Variants in SASH1 observed in about 807,000 individuals in gnomAD.
SASH1 encodes the protein SAM and SH3 domain containing 1.
A neutral mutation model predicts 125.2 loss-of-function variants in SASH1; 44 were observed. The ratio of observed to expected loss-of-function variants is 0.35; its 90% confidence interval spans 0.28 to 0.45. SASH1 has a LOEUF of 0.45. SASH1 is among the 20% of genes least tolerant of loss of function. SASH1 has a pLI of 1.00. For synonymous variants in SASH1, 639 were observed against 649.1 expected (o/e 0.98, Z 0.24); for missense variants, 1,426 against 1,614.5 (o/e 0.88, Z 2.00).
chr6:148,438,173 G>A (rs999735992), intron 2 of SASH1, among the ~76,000 whole-genome samples: 1 of 152,210 alleles, frequency 6.6e-6, no homozygotes, highest in Non-Finnish European at 1.5e-5. Context: ...TAACAGTTTA[G>A]TTTCATCATC....
intron 1 of SASH1, among the ~76,000 whole-genome samples, chr6:148,351,650 CT>C (rs67177596): frequency 0.13 from 15,375 of 115,856 alleles, 918 homozygotes; most frequent in South Asian, 0.17. Context: ...TTACTCACCG[CT>C]TTTTTTTTTT....
rs1455005536 is a variant in SASH1, at chr6:148,532,666, CAG to C, written c.1565-128_1565-127del. 2 of 1,059,876 alleles carry C rather than the reference CAG, an allele frequency of 1.9e-6. No individual in the cohort carries two copies. Among genetic ancestry groups the C allele is most frequent in the Admixed American group, 4.0e-5 (2 of 49,844 alleles). The allele number at this position is 1,059,876 out of a possible 1,614,324, so 65.7% of individuals were successfully genotyped here. A position where few individuals can be genotyped will look rare whatever the true frequency, so the allele number is the denominator to read the frequency against. The stretch of plus-strand genomic sequence containing the variant: ...TAACTGGGCCCTGCCCTGGTCCTGA[CAG>C]AGGGTTGTGGCTCAAGGCTTCCTTT... On this transcript the variant is annotated intron_variant, in intron 13 of 19. Coordinates refer to ENST00000367467, the MANE Select transcript of SASH1 (RefSeq NM_015278.5). This position sits in a 1 kb window ranked among gnomAD's most constrained non-coding sequence, Gnocchi z 4.7.
chr6:148,542,198 T>C (rs1782262446), intron 17 of SASH1, among the ~76,000 whole-genome samples: 1 of 152,220 alleles, frequency 6.6e-6, no homozygotes, highest in Non-Finnish European at 1.5e-5. Context: ...CAGGGATCTT[T>C]CTAATGTAAT....
At chr6:148,431,987 T>G (rs1197145559) in intron 2 of SASH1, among the ~76,000 whole-genome samples, 3 of 151,828 alleles carry the variant, frequency 2.0e-5, no homozygotes, top group Non-Finnish European at 2.9e-5. Flanking sequence ...TTTTTTTTTT[T>G]TTTTTTGAGA....
At chr6:148,332,477 AGT>A (rs1781023947) in intron 1 of SASH1, among the ~76,000 whole-genome samples, 1 of 152,218 alleles carries the variant, frequency 6.6e-6, no homozygotes, top group Non-Finnish European at 1.5e-5. Context: ...ACAAATAACA[AGT>A]ATTTAAATGA....
intron 2 of SASH1, among the ~76,000 whole-genome samples, chr6:148,405,667 C>T (rs748269969): frequency 1.3e-5 from 2 of 152,114 alleles, no homozygotes; most frequent in Non-Finnish European, 2.9e-5. Context: ...GCCTCTACCG[C>T]CCAGATGAAA....
At chr6:148,250,572 T>TAA in the SASH1 span, among the ~76,000 whole-genome samples, 92 of 141,410 alleles carry the variant, frequency 6.5e-4, no homozygotes, top group Middle Eastern at 3.6e-3. Flanking sequence ...GCCTTAGTCT[T>TAA]AAAAAAAAAA....
intron 4 of SASH1, among the ~76,000 whole-genome samples, chr6:148,460,244 T>C (rs1049278157): frequency 5.3e-5 from 8 of 152,222 alleles, no homozygotes. Context: ...GATGCCCTTT[T>C]GAGACATCTT....
chr6:148,299,338 A>G (rs1366901295), intron 1 of SASH1, among the ~76,000 whole-genome samples: 1 of 151,154 alleles, frequency 6.6e-6, no homozygotes, highest in Non-Finnish European at 1.5e-5. Context: ...TTTAGCATTT[A>G]TTGGTGCTAC....
intron 1 of SASH1, among the ~76,000 whole-genome samples, chr6:148,303,188 C>T (rs1043363895): frequency 3.9e-5 from 6 of 151,902 alleles, no homozygotes; most frequent in African/African-American, 9.7e-5. Context: ...CCATGTTGGT[C>T]AGGCTGGTCT....
the SASH1 span, among the ~76,000 whole-genome samples, chr6:148,203,524 G>A: frequency 6.6e-6 from 1 of 152,156 alleles, no homozygotes; most frequent in Non-Finnish European, 1.5e-5. Context: ...TACAGACTGA[G>A]TCATTTTCTT....
intron 4 of SASH1, among the ~76,000 whole-genome samples, chr6:148,457,597 T>C (rs1358195062): frequency 6.6e-6 from 1 of 152,184 alleles, no homozygotes; most frequent in Non-Finnish European, 1.5e-5. Context: ...TGAAATACGA[T>C]GAGATTTATG....
At chr6:148,337,563 T>C (rs1003575376) in intron 1 of SASH1, among the ~76,000 whole-genome samples, 3 of 152,078 alleles carry the variant, frequency 2.0e-5, no homozygotes, top group Non-Finnish European at 4.4e-5. Context: ...GGTTTCACCA[T>C]GTTGGCCAGA....
intron 1 of SASH1, among the ~76,000 whole-genome samples, chr6:148,354,496 A>G (rs1781851950): frequency 6.6e-6 from 1 of 151,914 alleles, no homozygotes; most frequent in Non-Finnish European, 1.5e-5. Context: ...TTTGTTTTGT[A>G]GACTCTTTTC....
In SASH1 at chr6:148,447,184, T is replaced by C. The variant is rs141582607; in HGVS notation, c.386+6777T>C. 1.4e-4 allele frequency among the ~76,000 whole-genome samples: 21 copies of C among 152,356 alleles called. No homozygotes were observed. In the East Asian group the frequency reaches 4.0e-3, roughly 29 times the overall value. On this transcript the variant is annotated intron_variant, in intron 4 of 19. Coordinates refer to ENST00000367467, the MANE Select transcript of SASH1 (RefSeq NM_015278.5). ...CTAAGTCTTTCACTGGAGTTGAACA[T>C]TCACTGATTTAGTTTCACTTTTTTT... is the stretch of plus-strand genomic sequence containing the variant.
chr6:148,242,996 G>C, the SASH1 span, among the ~76,000 whole-genome samples: 1 of 151,994 alleles, frequency 6.6e-6, no homozygotes, highest in African/African-American at 2.4e-5. Context: ...AGGATGTTTT[G>C]GCTGGCTGAT....
chr6:148,429,771 A>G (rs1382714200), intron 2 of SASH1, among the ~76,000 whole-genome samples: 5 of 151,934 alleles, frequency 3.3e-5, no homozygotes, highest in Non-Finnish European at 7.4e-5. Flanking sequence ...CAAACAAACA[A>G]ACAAAAAAAT....
exon 1 of SASH1, chr6:148,272,375 AG>A (rs1274836114): frequency 2.1e-6 from 1 of 470,750 alleles, no homozygotes; most frequent in Non-Finnish European, 4.4e-6. Flanking sequence ...ACAAGATTGC[AG>A]GGTATGTAGG....
chr6:148,461,973 T>C (rs1777630159), intron 4 of SASH1, among the ~76,000 whole-genome samples: 1 of 152,200 alleles, frequency 6.6e-6, no homozygotes. Flanking sequence ...TTCAACCTTT[T>C]AACCTTCCCC....
Sources: allele counts gnomAD v4.1 joint callset (sites outside exome capture counted in the v4.1 genomes callset), GRCh38; gene constraint gnomAD v4.1.1; non-coding constraint Gnocchi (gnomAD v3.1); transcripts MANE v1.5; gene names NCBI Gene and HGNC (gene_info 2026-07-23, HGNC 2026-07-21).